WDPCP: variants seen among roughly 807,000 people sequenced by gnomAD.
The protein encoded by WDPCP is WD repeat-containing and planar cell polarity effector protein fritz homolog.
A neutral mutation model predicts 93.1 loss-of-function variants in WDPCP; 71 were observed. The observed-to-expected ratio is 0.76, with a 90% CI of 0.63 to 0.93. The LOEUF (loss-of-function observed/expected upper bound fraction) is 0.93. WDPCP is among the 40% of genes least tolerant of loss of function. The pLI is 0.00. For synonymous variants in WDPCP, 315 were observed against 315.0 expected (o/e 1.00, Z 0.00); for missense variants, 844 against 887.4 (o/e 0.95, Z 0.62).
intron 6 of WDPCP, among the ~76,000 whole-genome samples, chr2:63,465,166 GCA>G (rs1247703392): frequency 4.0e-5 from 6 of 151,828 alleles, no homozygotes; most frequent in African/African-American, 1.5e-4. Flanking sequence ...TATTTAAAAA[GCA>G]GGTACCTGTG....
At chr2:63,229,622 GA>G (rs1348735707) in intron 14 of WDPCP, 2 of 151,926 alleles carry the variant, frequency 1.3e-5, no homozygotes, top group Non-Finnish European at 2.9e-5. Context: ...AAGGTGTAAG[GA>G]AGGGATCCAG....
intron 14 of WDPCP, among the ~76,000 whole-genome samples, chr2:63,211,678 A>G (rs1676820270): frequency 1.3e-5 from 2 of 152,194 alleles, no homozygotes; most frequent in Admixed American, 6.5e-5. Context: ...TCTGAGCTAA[A>G]GGAGGAAGTT....
chr2:63,697,554 T>G (rs1291512930), intron 2 of WDPCP, among the ~76,000 whole-genome samples: 1 of 152,246 alleles, frequency 6.6e-6, no homozygotes, highest in Admixed American at 6.5e-5. Context: ...CCTGCCATGG[T>G]GTTAATAGTA....
At chr2:63,338,551 TAAAAAAAAA>T (rs373990599) in intron 12 of WDPCP, among the ~76,000 whole-genome samples, 278 of 24,992 alleles carry the variant, frequency 0.011, 1 homozygote, top group African/African-American at 0.053. Context: ...AAACTCCATC[TAAAAAAAAA>T]AAAAAAAAAA....
intron 1 of WDPCP, among the ~76,000 whole-genome samples, chr2:63,496,442 T>C (rs1362008884): frequency 6.6e-6 from 1 of 152,212 alleles, no homozygotes; most frequent in Admixed American, 6.5e-5. Context: ...TCACTAAGTT[T>C]GAAAGTCCTA....
intron 10 of WDPCP, among the ~76,000 whole-genome samples, chr2:63,393,652 C>T (rs894733053): frequency 1.3e-5 from 2 of 151,962 alleles, no homozygotes; most frequent in African/African-American, 2.4e-5. Context: ...CTGGAGGCAT[C>T]ACAACATACC....
chr2:63,421,675 G>A (rs1429897472), intron 9 of WDPCP, among the ~76,000 whole-genome samples: 1 of 152,140 alleles, frequency 6.6e-6, no homozygotes, highest in Non-Finnish European at 1.5e-5. Context: ...GTCACGAGGA[G>A]TACTACAGAT....
intron 12 of WDPCP, among the ~76,000 whole-genome samples, chr2:63,357,677 C>T (rs1690124878): frequency 6.6e-6 from 1 of 152,092 alleles, no homozygotes; most frequent in Non-Finnish European, 1.5e-5. Flanking sequence ...ATTTAGTCAA[C>T]CACTGTGGAA....
At chr2:63,556,790 G>A (rs1175009080) in intron 1 of WDPCP, among the ~76,000 whole-genome samples, 7 of 152,146 alleles carry the variant, frequency 4.6e-5, no homozygotes, top group African/African-American at 1.7e-4. Context: ...CACCTACAAA[G>A]GGAAGCCCAT....
chr2:63,261,753 G>C (rs1464987828), intron 13 of WDPCP, among the ~76,000 whole-genome samples: 1 of 152,176 alleles, frequency 6.6e-6, no homozygotes, highest in East Asian at 1.9e-4. Context: ...GATAACTTCA[G>C]TTTTGCCTCT....
At chr2:63,530,130 T>C (rs1352391574) in intron 1 of WDPCP, among the ~76,000 whole-genome samples, 1 of 152,246 alleles carries the variant, frequency 6.6e-6, no homozygotes, top group Non-Finnish European at 1.5e-5. Context: ...ATCAAGTTTG[T>C]TGATCTTTTC....
chr2:63,643,434 A>G, intron 3 of WDPCP: 1 of 316,936 alleles, frequency 3.2e-6, no homozygotes, highest in Non-Finnish European at 6.2e-6. Flanking sequence ...CTTTCACATG[A>G]ACCACATGAA....
At chr2:63,132,573 T>C (rs922562891) in intron 17 of WDPCP, among the ~76,000 whole-genome samples, 1 of 150,490 alleles carries the variant, frequency 6.6e-6, no homozygotes, top group African/African-American at 2.5e-5. Flanking sequence ...ATAAGTTATC[T>C]TTAAGCTTGT....
intron 2 of WDPCP, among the ~76,000 whole-genome samples, chr2:63,671,417 T>A (rs1285888135): frequency 6.6e-6 from 1 of 152,186 alleles, no homozygotes; most frequent in African/African-American, 2.4e-5. Flanking sequence ...TCCAGCAGTG[T>A]AGGATGCTTC....
intron 14 of WDPCP, among the ~76,000 whole-genome samples, chr2:63,225,829 A>G (rs560431364): frequency 2.6e-5 from 4 of 152,000 alleles, no homozygotes; most frequent in African/African-American, 9.6e-5. Flanking sequence ...AGGATGTGTA[A>G]TTCTCTTCCA....
chr2:63,544,127 G>A (rs1443891196), intron 1 of WDPCP, among the ~76,000 whole-genome samples: 1 of 152,028 alleles, frequency 6.6e-6, no homozygotes, highest in Admixed American at 6.6e-5. Flanking sequence ...TTTCCAAAGA[G>A]TTTCTTCAAA....
chr2:63,775,852 C>T (rs529187985), intron 2 of WDPCP, among the ~76,000 whole-genome samples: 1 of 152,240 alleles, frequency 6.6e-6, no homozygotes, highest in Non-Finnish European at 1.5e-5. Context: ...AGGCTTATTT[C>T]AAGACTTACT....
chr2:63,438,526 C>G (rs1032069176), intron 7 of WDPCP, among the ~76,000 whole-genome samples: 2 of 152,056 alleles, frequency 1.3e-5, no homozygotes, highest in African/African-American at 4.8e-5. Context: ...AAAATCATCA[C>G]AGCCAGTATT....
intron 12 of WDPCP, among the ~76,000 whole-genome samples, chr2:63,367,637 T>C (rs1329082136): frequency 6.6e-6 from 1 of 152,162 alleles, no homozygotes; most frequent in Non-Finnish European, 1.5e-5. Flanking sequence ...AGATCTATGT[T>C]TATTAACATA....
Sources: gnomAD v4.1 joint callset for allele counts (sites outside exome capture counted in the v4.1 genomes callset) on GRCh38, gnomAD v4.1.1 for gene constraint, MANE v1.5 for transcripts, NCBI Gene and HGNC (gene_info 2026-07-23, HGNC 2026-07-21) for gene names.